UBALD1: variants seen among roughly 807,000 people sequenced by gnomAD.
The protein encoded by UBALD1 is UBA-like domain-containing protein 1.
UBALD1 carries 5 observed loss-of-function variants against 16.1 expected under a neutral mutation model. The observed-to-expected ratio is 0.31, with a 90% CI of 0.16 to 0.66. UBALD1 has a LOEUF of 0.66. Ranked by LOEUF, UBALD1 falls within the 30% of genes least tolerant of loss-of-function variation. UBALD1 has a pLI of 0.77. For missense variants in UBALD1, 220 were observed against 252.8 expected, an observed-to-expected ratio of 0.87 and a Z score of 0.88; for synonymous variants, 146 against 105.3, an observed-to-expected ratio of 1.39 and a Z score of -2.37.
chr16:4,612,951 A>G (rs546773146), intron 1 of UBALD1, among the ~76,000 whole-genome samples: 2 of 152,132 alleles, frequency 1.3e-5, no homozygotes, highest in East Asian at 1.9e-4. Context: ...CTTTCCCCAG[A>G]CATTGCACTC....
intron 1 of UBALD1, among the ~76,000 whole-genome samples, chr16:4,611,897 G>A (rs114171685): frequency 9.2e-5 from 14 of 152,076 alleles, no homozygotes; most frequent in African/African-American, 3.4e-4. Flanking sequence ...CCCAGGCCCA[G>A]ACTTGGAGCT....
At chr16:4,610,665 T>A (rs1390414696) in intron 1 of UBALD1, 110 bp from the exon 2 acceptor site, 4 of 1,255,888 alleles carry the variant, frequency 3.2e-6, no homozygotes, top group Non-Finnish European at 4.4e-6. Flanking sequence ...GACTGCTGAG[T>A]GGGAGGGGTG....
Position 4,614,097 on chromosome 16 carries a change from T to C in UBALD1, c.120+581A>G, listed in dbSNP as rs369409047. On this transcript the variant is annotated intron_variant, in intron 1 of 2. Transcript: ENST00000283474. ...TGCACACCCGCCACATGTGTACGCGTTGATCACACACCAAACGCACCAGGG... is the reference window on the plus strand; with the variant it reads ...TGCACACCCGCCACATGTGTACGCGCTGATCACACACCAAACGCACCAGGG... 2.0e-4 allele frequency: 33 copies of C among 168,304 alleles called. No homozygotes were observed. In the East Asian group the frequency reaches 4.2e-3, roughly 21 times the overall value. 10.4% of individuals were successfully genotyped at this position (168,304 alleles called of 1,614,324 possible). A position where few individuals can be genotyped will look rare whatever the true frequency, so the allele number is the denominator to read the frequency against.
chr16:4,609,900 C>G lies in UBALD1; in HGVS notation c.267G>C (p.Glu89Asp). Residue 89 changes from glutamate (E) to aspartate (D), a missense_variant, in exon 3 of 3, where the codon GAG becomes GAC. Around this residue, in one of 2 missense-constraint regions of UBALD1, gnomAD observed 151 missense variants for 132.6 expected, o/e 1.14. Transcript: ENST00000283474. ...TGCCGCTGCCACCGCTGTGGAAGCT[C>G]TCGGAGGCCTTGAGACGGGAGAACA... ...LTMFSRLKAS[E>D]SFHSGGSGSP... 1 of 1,585,604 alleles carries G rather than the reference C, an allele frequency of 6.3e-7. No homozygotes were observed. The highest frequency in any genetic ancestry group is 8.6e-7 in the Non-Finnish European group (1 of 1,165,904).
At chr16:4,614,248 C>G (rs986015292) in intron 1 of UBALD1, 1 of 346,360 alleles carries the variant, frequency 2.9e-6, no homozygotes. Flanking sequence ...CGCCGCCGAC[C>G]GCCCACCAGG....
chr16:4,612,211 G>A (rs898176863), intron 1 of UBALD1, among the ~76,000 whole-genome samples: 2 of 151,804 alleles, frequency 1.3e-5, no homozygotes, highest in South Asian at 2.1e-4. Flanking sequence ...CTACAGGCAC[G>A]TGCCACCACA....
At position 4,611,751 on chromosome 16, in the gene UBALD1, G is replaced by A. The variant is rs185531761; in HGVS notation, c.121-1196C>T. Reference sequence around the variant, plus strand: ...GAACTGAGGAGCCCCAGAGGGAGGCGCTGGGATTTGCTATGTCCTGGCTGA... The same window carrying A: ...GAACTGAGGAGCCCCAGAGGGAGGCACTGGGATTTGCTATGTCCTGGCTGA... On this transcript the variant is annotated intron_variant, in intron 1 of 2. Coordinates refer to ENST00000283474, the MANE Select transcript of UBALD1 (RefSeq NM_145253.3). Among the ~76,000 whole-genome samples, 183 of 152,312 alleles carry A rather than the reference G, an allele frequency of 1.2e-3. 1 individual carries two copies. The highest frequency in any genetic ancestry group is 3.9e-3 in the African/African-American group (164 of 41,570).
At chr16:4,610,666 G>A in intron 1 of UBALD1, 111 bp from the exon 2 acceptor site, 1 of 1,257,680 alleles carries the variant, frequency 8.0e-7, no homozygotes, top group Non-Finnish European at 1.1e-6. Context: ...ACTGCTGAGT[G>A]GGAGGGGTGA....
intron 2 of UBALD1, 117 bp from the exon 3 acceptor site, chr16:4,610,100 C>G: frequency 1.1e-6 from 1 of 874,790 alleles, no homozygotes; most frequent in Non-Finnish European, 1.9e-6. Flanking sequence ...GTTCCTTCCC[C>G]AGATCCCCAA....
Position 4,609,764 on chromosome 16 carries a change from G to C in UBALD1, c.403C>G (p.Gln135Glu), listed in dbSNP as rs1462975991. The C allele has an allele frequency of 2.0e-6, 3 of 1,507,144 alleles. No individual in the cohort carries two copies. The highest frequency in any genetic ancestry group is 2.7e-6 in the Non-Finnish European group (3 of 1,131,544). The allele number at this position is 1,507,144 out of a possible 1,614,324, so 93.4% of individuals were successfully genotyped here. The change falls in exon 3 of 3, where the codon CAG becomes GAG. Residue 135 changes from glutamine to glutamate, a missense_variant. By Grantham distance (29) the Gln-to-Glu change is conservative (BLOSUM62 2). Transcript: ENST00000283474. The part of the protein sequence containing the change: ...PTAASPPGGP[Q>E]HHQPQPPLWT... The stretch of plus-strand genomic sequence containing the variant: ...AGGGGCGGCTGTGGCTGGTGGTGCT[G>C]TGGGCCCCCCGGGGGCGAGGCCGCC...
intron 1 of UBALD1, among the ~76,000 whole-genome samples, chr16:4,613,243 C>T (rs1048958248): frequency 5.9e-5 from 9 of 152,090 alleles, no homozygotes; most frequent in Non-Finnish European, 1.0e-4. Context: ...CCGGGTGGGG[C>T]TGCCTTGGGG....
Position 4,611,867 on chromosome 16 carries a change from T to C in UBALD1, c.121-1312A>G, listed in dbSNP as rs1411314802. 2.6e-5 allele frequency among the ~76,000 whole-genome samples: 4 copies of C among 152,012 alleles called. No homozygotes were observed. In the East Asian group the frequency reaches 7.8e-4, roughly 29 times the overall value. ...GGGAGCCCCACAAGTATTTGAGGGG[T>C]TCTCGGGGCCCTGCCAAGTCCCAGG... On this transcript the variant is annotated intron_variant, in intron 1 of 2. Coordinates refer to ENST00000283474, the MANE Select transcript of UBALD1 (RefSeq NM_145253.3).
intron 1 of UBALD1, 129 bp from the exon 2 acceptor site, chr16:4,610,684 T>C: frequency 9.7e-7 from 1 of 1,026,206 alleles, no homozygotes; most frequent in Non-Finnish European, 1.4e-6. Flanking sequence ...TGAGTCGCGG[T>C]GCTGAGGCTC....
At chr16:4,610,651 G>A (rs1471620069) in intron 1 of UBALD1, 96 bp from the exon 2 acceptor site, 2 of 1,388,460 alleles carry the variant, frequency 1.4e-6, no homozygotes, top group Admixed American at 4.5e-5. Context: ...GATGACCCTG[G>A]CTGGACTGCT....
Position 4,609,528 on chromosome 16 carries a change from G to A in UBALD1, c.*105C>T, listed in dbSNP as rs551109400. On this transcript the variant is annotated 3_prime_UTR_variant, in exon 3 of 3. Coordinates refer to ENST00000283474, the MANE Select transcript of UBALD1 (RefSeq NM_145253.3). ...TCCGCGCTCTCCCCTCCAGGGCTCC[G>A]GGGAACAAGGGGTGCAGACAGAAAA... is the stretch of plus-strand genomic sequence containing the variant. The A allele has an allele frequency of 2.5e-4, 125 of 496,310 alleles. No homozygotes were observed. The highest frequency in any genetic ancestry group is 2.2e-3 in the African/African-American group (113 of 50,276). 30.7% of individuals were successfully genotyped at this position (496,310 alleles called of 1,614,324 possible). A position where few individuals can be genotyped will look rare whatever the true frequency, so the allele number is the denominator to read the frequency against.
chr16:4,610,250 G>T (rs756174878), intron 2 of UBALD1: 6 of 712,712 alleles, frequency 8.4e-6, no homozygotes, highest in Non-Finnish European at 1.3e-5. Flanking sequence ...ATCCCCGGGG[G>T]CTGTAGGGTA....
intron 1 of UBALD1, among the ~76,000 whole-genome samples, chr16:4,613,164 C>T (rs1157620068): frequency 6.6e-6 from 1 of 152,252 alleles, no homozygotes; most frequent in Middle Eastern, 3.4e-3. Flanking sequence ...AGTTTTGCCA[C>T]ATCCAGCCCC....
intron 1 of UBALD1, among the ~76,000 whole-genome samples, chr16:4,612,038 G>A (rs923734809): frequency 6.6e-6 from 1 of 151,808 alleles, no homozygotes; most frequent in South Asian, 2.1e-4. Context: ...CCTCGATCAG[G>A]GGGTATGGGT....
chr16:4,613,587 G>C (rs1347981689), intron 1 of UBALD1, among the ~76,000 whole-genome samples: 1 of 152,142 alleles, frequency 6.6e-6, no homozygotes, highest in East Asian at 1.9e-4. Flanking sequence ...GGAGAAACCA[G>C]GTTCCCAGTC....
Sources: allele counts gnomAD v4.1 joint callset (sites outside exome capture counted in the v4.1 genomes callset), GRCh38; gene constraint gnomAD v4.1.1; regional missense constraint gnomAD v4.1.1; transcripts MANE v1.5; gene names NCBI Gene and HGNC (gene_info 2026-07-23, HGNC 2026-07-21).